Variants in ADGRD2 observed in about 807,000 individuals in gnomAD.
ADGRD2 encodes the protein adhesion G protein-coupled receptor D2, also known as G protein-coupled receptor PGR24.
In ADGRD2, 71 loss-of-function variants were observed where a neutral mutation model predicts 44.4. That is an observed-to-expected ratio of 1.60 (90% CI 1.32 to 1.95). The LOEUF (loss-of-function observed/expected upper bound fraction) is 1.95, where lower values mean the gene tolerates loss of function less well. Ranked by LOEUF, ADGRD2 falls within the 30% of genes most tolerant of loss-of-function variation. The pLI, the probability that ADGRD2 is intolerant of heterozygous loss-of-function variation, is 0.00. For synonymous variants in ADGRD2, 481 were observed against 224.8 expected (o/e 2.14, Z -10.19); for missense variants, 1,039 against 512.4 (o/e 2.03, Z -9.92).
chr9:124,451,293 C>G (rs374828078), upstream of ADGRD2: 187 of 460,014 alleles, frequency 4.1e-4, 1 homozygote, highest in South Asian at 2.4e-3. Context: ...GAGCTTCCCC[C>G]ACCCGCTGCA....
At chr9:124,465,921 C>T (rs914223105) in intron 10 of ADGRD2, 1 of 189,742 alleles carries the variant, frequency 5.3e-6, no homozygotes, top group Non-Finnish European at 1.1e-5. Context: ...TATCTGAGGC[C>T]GGGGCCCTTG....
At chr9:124,469,578 A>C in intron 16 of ADGRD2, 31 bp downstream of exon 19, 1 of 716,304 alleles carries the variant, frequency 1.4e-6, no homozygotes, top group Non-Finnish European at 2.6e-6. Flanking sequence ...GCCAGCAGGA[A>C]GCAGGAAGTG....
intron 12 of ADGRD2, 75 bp from the exon 16 acceptor site, chr9:124,468,013 G>C (rs1252915560): frequency 2.8e-6 from 2 of 716,690 alleles, no homozygotes; most frequent in Middle Eastern, 4.6e-4. Flanking sequence ...ACAGGGGATC[G>C]GGCAGGACAG....
intron 11 of ADGRD2, chr9:124,467,390 T>A: frequency 2.0e-5 from 4 of 201,314 alleles, no homozygotes; most frequent in Non-Finnish European, 3.0e-5. Flanking sequence ...CTTTTCCACA[T>A]CATGAGTATC....
intron 16 of ADGRD2, 136 bp downstream of exon 19, chr9:124,469,683 A>T: frequency 1.6e-6 from 1 of 640,352 alleles, no homozygotes; most frequent in South Asian, 1.8e-5. Context: ...CCAAGTCTGT[A>T]TTGAGTATGT....
chr9:124,453,560 A>C (rs1831547989), exon 3 of ADGRD2: 2 of 698,084 alleles, frequency 2.9e-6, no homozygotes, highest in Non-Finnish European at 5.2e-6. Context: ...GCTCAGCTGC[A>C]CCGGGCACGG....
intron 10 of ADGRD2, among the ~76,000 whole-genome samples, chr9:124,460,348 A>G (rs1168214235): frequency 6.7e-6 from 1 of 150,202 alleles, no homozygotes; most frequent in African/African-American, 2.5e-5. Flanking sequence ...GACTACAGGC[A>G]TGCGCTACCA....
At chr9:124,461,651 T>C (rs1192318571) in intron 10 of ADGRD2, among the ~76,000 whole-genome samples, 2 of 152,218 alleles carry the variant, frequency 1.3e-5, no homozygotes, top group Non-Finnish European at 2.9e-5. Flanking sequence ...CCTATCCCTA[T>C]GTTAATTTCT....
At position 124,458,716 on chromosome 9, in the gene ADGRD2, GC is replaced by G. The variant is rs1165546366; in HGVS notation, c.1868del (p.Gln624ArgfsTer62). The G allele has an allele frequency of 1.4e-6, 1 of 718,364 alleles. No individual in the cohort carries two copies. Among genetic ancestry groups the G allele is most frequent in the South Asian group, 1.5e-5 (1 of 67,570 alleles). The allele number at this position is 718,364 out of a possible 1,614,324, so 44.5% of individuals were successfully genotyped here. A position where few individuals can be genotyped will look rare whatever the true frequency, so the allele number is the denominator to read the frequency against. Reference sequence around the variant, plus strand: ...CATGACCTTTCATCTCCAGCACCGGGCCCAGGTACTGGGTGGCGCTTCTGGG... The same window carrying G: ...CATGACCTTTCATCTCCAGCACCGGGCCAGGTACTGGGTGGCGCTTCTGGG... On this transcript the variant is annotated frameshift_variant, in exon 10 of 22. Coordinates refer to ENST00000334810, the Ensembl canonical transcript of ADGRD2. LOFTEE classifies it high-confidence loss of function.
intron 17 of ADGRD2, among the ~76,000 whole-genome samples, chr9:124,475,094 G>C (rs1832018678): frequency 6.6e-6 from 1 of 152,242 alleles, no homozygotes; most frequent in Non-Finnish European, 1.5e-5. Context: ...TGGAGCCTCA[G>C]GAAGGTGTGC....
At chr9:124,453,819 C>G in intron 3 of ADGRD2, 143 bp downstream of exon 6, 1 of 608,970 alleles carries the variant, frequency 1.6e-6, no homozygotes, top group Non-Finnish European at 2.9e-6. Flanking sequence ...CAAGCTCCAG[C>G]ATAAACCTGG....
At chr9:124,469,171 A>G (rs1831891810) in intron 14 of ADGRD2, 51 bp from the exon 18 acceptor site, 1 of 678,086 alleles carries the variant, frequency 1.5e-6, no homozygotes, top group South Asian at 1.6e-5. Context: ...TGGGTCCTGG[A>G]GAGGAAAAAG....
At chr9:124,464,162 T>G (rs987255846) in intron 10 of ADGRD2, among the ~76,000 whole-genome samples, 1 of 151,886 alleles carries the variant, frequency 6.6e-6, no homozygotes, top group East Asian at 1.9e-4. Context: ...GAGATTATAT[T>G]TATATACTAA....
chr9:124,468,243 G>T (rs1297289141), intron 13 of ADGRD2, 53 bp downstream of exon 16: 1 of 716,558 alleles, frequency 1.4e-6, no homozygotes, highest in Non-Finnish European at 2.6e-6. Flanking sequence ...GAAAGTGCCT[G>T]TGGGCTTTTC....
At chr9:124,477,250 C>A (rs971091834) in intron 21 of ADGRD2, 3 of 359,068 alleles carry the variant, frequency 8.4e-6, no homozygotes, top group Non-Finnish European at 1.7e-5. Context: ...CACCCCAGCT[C>A]CGGCTCAGGG....
chr9:124,452,608 C>T lies in ADGRD2; in HGVS notation c.169C>T (p.Gln57Ter). Reference sequence around the variant, plus strand: ...GTGGCAGGCCCAAGAGTCCTGCGAGCAGCAGTTTGGCCACTTGGCACTGCA... The same window carrying T: ...GTGGCAGGCCCAAGAGTCCTGCGAGTAGCAGTTTGGCCACTTGGCACTGCA... The change falls in exon 2 of 22, where the codon CAG becomes TAG. Residue 57 changes from glutamine to a stop codon, truncating the protein, a stop_gained. Transcript: ENST00000334810. LOFTEE classifies it high-confidence loss of function. 1 of 718,500 alleles carries T rather than the reference C, an allele frequency of 1.4e-6. No individual in the cohort carries two copies. 44.5% of individuals were successfully genotyped at this position (718,500 alleles called of 1,614,324 possible).
exon 14 of ADGRD2, chr9:124,468,646 T>C (rs1305303209): frequency 2.8e-6 from 2 of 717,784 alleles, no homozygotes; most frequent in Non-Finnish European, 5.2e-6. Context: ...GGCCCAGGCA[T>C]GCGGCTCTAC....
chr9:124,468,969 T>A (rs1252150143), intron 14 of ADGRD2, among the ~76,000 whole-genome samples: 1 of 152,206 alleles, frequency 6.6e-6, no homozygotes, highest in Non-Finnish European at 1.5e-5. Flanking sequence ...AGCCAGCCAG[T>A]TGCCCAGCCT....
chr9:124,453,100 AGCCCTCT>A lies in ADGRD2; in HGVS notation c.351_357del (p.Pro118LeufsTer6). On this transcript the variant is annotated frameshift_variant, in exon 3 of 22. Transcript: ENST00000334810. LOFTEE classifies it high-confidence loss of function. ...GGCTGACCGGGCGGCGCGGCTGCGG[AGCCCTCT>A]GCCTGAGCTGGCAGCGCTGACCGCG... 3 of 697,912 alleles carry A rather than the reference AGCCCTCT, an allele frequency of 4.3e-6. No homozygotes were observed. In the South Asian group the frequency reaches 4.5e-5, roughly 10 times the overall value. The allele number at this position is 697,912 out of a possible 1,614,324, so 43.2% of individuals were successfully genotyped here.
Sources: allele counts gnomAD v4.1 joint callset (sites outside exome capture counted in the v4.1 genomes callset), GRCh38; gene constraint gnomAD v4.1.1; transcripts MANE v1.5; gene names NCBI Gene and HGNC (gene_info 2026-07-23, HGNC 2026-07-21).